Variants in SNX16 observed in about 807,000 individuals in gnomAD.
SNX16 encodes the protein sorting nexin 16, also known as sorting nexin-16.
Under a neutral mutation model 36.7 loss-of-function variants are expected in SNX16, and 35 were observed. The observed-to-expected ratio is 0.95, with a 90% CI of 0.73 to 1.27. The LOEUF (loss-of-function observed/expected upper bound fraction) is 1.27. Ranked by LOEUF, SNX16 falls within the 50% of genes most tolerant of loss-of-function variation. SNX16 has a pLI of 0.00. For missense variants in SNX16, 367 were observed against 393.6 expected (o/e 0.93, Z 0.57); for synonymous variants, 134 against 132.0 (o/e 1.02, Z -0.10).
intron 3 of SNX16, among the ~76,000 whole-genome samples, chr8:81,826,262 T>C (rs940996503): frequency 5.9e-5 from 9 of 152,064 alleles, no homozygotes; most frequent in Non-Finnish European, 1.0e-4. Flanking sequence ...TGTGGAAGAA[T>C]ATAACTGAAC....
intron 4 of SNX16, among the ~76,000 whole-genome samples, chr8:81,817,416 G>A (rs1210813781): frequency 6.6e-6 from 1 of 152,104 alleles, no homozygotes; most frequent in Non-Finnish European, 1.5e-5. Flanking sequence ...AATCATTTTG[G>A]AGTGGTTATT....
At position 81,801,358 on chromosome 8, in the gene SNX16, T is replaced by C. The variant is rs1809677548; in HGVS notation, c.*139A>G. 1 of 443,940 alleles carries C rather than the reference T, an allele frequency of 2.3e-6. No homozygotes were observed. The highest frequency in any genetic ancestry group is 2.0e-5 in the African/African-American group (1 of 49,290). 27.5% of individuals were successfully genotyped at this position (443,940 alleles called of 1,614,324 possible). A position where few individuals can be genotyped will look rare whatever the true frequency, so the allele number is the denominator to read the frequency against. On this transcript the variant is annotated 3_prime_UTR_variant, in exon 8 of 8. Transcript: ENST00000345957. ...TCCTATCTCAATAACTTAAAAAAAC[T>C]TCTTTATGTAAACTTTATACATGTG...
rs77057724 is a variant in SNX16, at chr8:81,800,988, G to T, written c.*509C>A. Reference sequence around the variant, plus strand: ...ATTTCAAATAAGCAAATTTTATTTAGAGATGTAAACATGTAAACATTAAAA... The same window carrying T: ...ATTTCAAATAAGCAAATTTTATTTATAGATGTAAACATGTAAACATTAAAA... On this transcript the variant is annotated 3_prime_UTR_variant, in exon 8 of 8. Transcript: ENST00000345957. 2.0e-5 allele frequency: 3 copies of T among 151,828 alleles called. No individual in the cohort carries two copies. The highest frequency in any genetic ancestry group is 7.3e-5 in the African/African-American group (3 of 41,352). 9.4% of individuals were successfully genotyped at this position (151,828 alleles called of 1,614,324 possible). A position where few individuals can be genotyped will look rare whatever the true frequency, so the allele number is the denominator to read the frequency against.
intron 2 of SNX16, among the ~76,000 whole-genome samples, chr8:81,830,443 C>A (rs60914880): frequency 6.6e-6 from 1 of 151,712 alleles, no homozygotes; most frequent in Non-Finnish European, 1.5e-5. Context: ...CGGTGGCAGG[C>A]GCCTGTAGTC....
At chr8:81,835,487 T>C (rs1443657225) in intron 2 of SNX16, among the ~76,000 whole-genome samples, 3 of 152,210 alleles carry the variant, frequency 2.0e-5, no homozygotes, top group Non-Finnish European at 2.9e-5. Flanking sequence ...TTTTCCAAAC[T>C]TTTATGCTGT....
At position 81,803,188 on chromosome 8, in the gene SNX16, T is replaced by C; in HGVS notation, c.722A>G (p.Gln241Arg). 6.2e-7 allele frequency: 1 copy of C among 1,611,798 alleles called. No individual in the cohort carries two copies. Among genetic ancestry groups the C allele is most frequent in the Non-Finnish European group, 8.5e-7 (1 of 1,178,848 alleles). The change falls in exon 6 of 8, where the codon CAG (glutamine) becomes CGG (arginine). Residue 241 changes from glutamine (Q) to arginine (R), a missense_variant. Transcript: ENST00000345957. ...ETLEETNYRL[Q>R]KELLEKQKEM... Reference sequence around the variant, plus strand: ...CTTTTGTTTTTCAAGTAGTTCTTTCTGTAAGCGGTAGTTTGTCTCTTCTAA... The same window carrying C: ...CTTTTGTTTTTCAAGTAGTTCTTTCCGTAAGCGGTAGTTTGTCTCTTCTAA...
intron 5 of SNX16, among the ~76,000 whole-genome samples, chr8:81,812,200 C>T (rs1398445987): frequency 1.3e-5 from 2 of 151,778 alleles, no homozygotes; most frequent in African/African-American, 4.8e-5. Flanking sequence ...TACAAATATA[C>T]AAGTAATGAC....
rs1221760356 is a variant in SNX16, at chr8:81,839,801, A to T, written c.186T>A (p.Asp62Glu). 1 of 1,613,634 alleles carries T rather than the reference A, an allele frequency of 6.2e-7. No individual in the cohort carries two copies. The highest frequency in any genetic ancestry group is 8.5e-7 in the Non-Finnish European group (1 of 1,179,552). ...GACTGCTACAGACAGATGAAGTATT[A>T]TCCATTTGATCAGGAACACTTGTCT... ...FKQTSVPDQM[D>E]NTSSVCSSPL... The change falls in exon 2 of 8, where the codon GAT becomes GAA. Residue 62 changes from aspartate to glutamate, a missense_variant. By Grantham distance (45) the Asp-to-Glu change is conservative. Coordinates refer to ENST00000345957, the MANE Select transcript of SNX16 (RefSeq NM_152836.3).
intron 5 of SNX16, chr8:81,807,692 G>C (rs1810030072): frequency 1.8e-6 from 1 of 566,392 alleles, no homozygotes; most frequent in Admixed American, 2.5e-5. Context: ...TCAATTAAAA[G>C]ATCTGAGGTC....
rs577098832 is a variant in SNX16 at position 81,807,769 on chromosome 8, G to A, written c.682-4541C>T. On this transcript the variant is annotated intron_variant, in intron 5 of 7. Transcript: ENST00000345957. ...TGTTAAAGTCTCTCTTCTCCCTGCT[G>A]TCATGTCTAAGTCAGAGTCTCCTAA... The A allele has an allele frequency of 7.4e-4, 516 of 697,384 alleles. 3 individuals carry two copies. The highest frequency in any genetic ancestry group is 2.2e-3 in the South Asian group (136 of 62,634). 43.2% of individuals were successfully genotyped at this position (697,384 alleles called of 1,614,324 possible).
At chr8:81,840,371 G>A (rs1308396228) in intron 1 of SNX16, 1 of 167,126 alleles carries the variant, frequency 6.0e-6, no homozygotes, top group African/African-American at 2.4e-5. Flanking sequence ...TTTCATGTAT[G>A]TAAAAGTTGG....
intron 5 of SNX16, among the ~76,000 whole-genome samples, chr8:81,810,627 C>G (rs1810194202): frequency 6.6e-6 from 1 of 152,154 alleles, no homozygotes; most frequent in African/African-American, 2.4e-5. Flanking sequence ...TTCCATATTA[C>G]TCTGTTGAGT....
At chr8:81,826,683 C>G (rs1043668651) in intron 3 of SNX16, among the ~76,000 whole-genome samples, 1 of 152,000 alleles carries the variant, frequency 6.6e-6, no homozygotes, top group Non-Finnish European at 1.5e-5. Flanking sequence ...TGAAGTCAGA[C>G]CATAACCCAG....
At chr8:81,808,290 C>G (rs769776324) in intron 5 of SNX16, 15 of 1,158,564 alleles carry the variant, frequency 1.3e-5, no homozygotes, top group Non-Finnish European at 1.8e-5. Context: ...TGAATGGCCA[C>G]AACTGTGAAG....
intron 5 of SNX16, among the ~76,000 whole-genome samples, chr8:81,814,449 G>A (rs1810391985): frequency 6.6e-6 from 1 of 151,996 alleles, no homozygotes; most frequent in Non-Finnish European, 1.5e-5. Flanking sequence ...GAGAATGAGA[G>A]CAGATCAGTG....
chr8:81,799,703 T>G lies in SNX16; in HGVS notation c.*1794A>C, dbSNP rs1267003784. ...TGGTTTACCTAATTAACAGATTTTT[T>G]TCTTCATCCTTGAAGAACTTTAAAT... On this transcript the variant is annotated 3_prime_UTR_variant, in exon 8 of 8. Coordinates refer to ENST00000345957, the MANE Select transcript of SNX16 (RefSeq NM_152836.3). The G allele has an allele frequency of 6.6e-6, 1 of 151,974 alleles. No homozygotes were observed. The highest frequency in any genetic ancestry group is 2.4e-5 in the African/African-American group (1 of 41,428). The allele number at this position is 151,974 out of a possible 1,614,324, so 9.4% of individuals were successfully genotyped here.
chr8:81,839,774 G>A lies in SNX16; in HGVS notation c.213C>T (p.Pro71=). ...MDNTSSVCSS[P]LIRTKFTGTA... is the part of the protein sequence containing the mutation. ...TACCTGTAAATTTAGTCCTAATGAG[G>A]GGACTGCTACAGACAGATGAAGTAT... The change falls in exon 2 of 8, where the codon CCC becomes CCT. Residue 71 remains proline, a synonymous_variant. Coordinates refer to ENST00000345957, the MANE Select transcript of SNX16 (RefSeq NM_152836.3). 1.2e-6 allele frequency: 2 copies of A among 1,613,588 alleles called. No individual in the cohort carries two copies. Among genetic ancestry groups the A allele is most frequent in the African/African-American group, 2.7e-5 (2 of 75,000 alleles).
At chr8:81,822,359 A>G (rs1356610021) in intron 4 of SNX16, among the ~76,000 whole-genome samples, 1 of 152,168 alleles carries the variant, frequency 6.6e-6, no homozygotes, top group Non-Finnish European at 1.5e-5. Context: ...GAATTAAAAG[A>G]AGACCAATAT....
At chr8:81,827,942 C>T (rs1332609384) in intron 3 of SNX16, among the ~76,000 whole-genome samples, 1 of 152,172 alleles carries the variant, frequency 6.6e-6, no homozygotes, top group Non-Finnish European at 1.5e-5. Context: ...GAACTGCTTG[C>T]TTCTTTTAGA....
Sources: allele counts gnomAD v4.1 joint callset (sites outside exome capture counted in the v4.1 genomes callset), GRCh38; gene constraint gnomAD v4.1.1; transcripts MANE v1.5; gene names NCBI Gene and HGNC (gene_info 2026-07-23, HGNC 2026-07-21).